GRXCR2: variants seen among roughly 807,000 people sequenced by gnomAD.
GRXCR2 encodes glutaredoxin domain-containing cysteine-rich protein 2.
A neutral mutation model predicts 24.8 loss-of-function variants in GRXCR2; 23 were observed. The observed-to-expected ratio is 0.93, with a 90% CI of 0.67 to 1.32. The LOEUF (loss-of-function observed/expected upper bound fraction) is 1.32, where lower values mean the gene tolerates loss of function less well. Ranked by LOEUF, GRXCR2 falls within the 40% of genes most tolerant of loss-of-function variation. The pLI, the probability that GRXCR2 is intolerant of heterozygous loss-of-function variation, is 0.00. For synonymous variants in GRXCR2, 130 were observed against 116.1 expected, an observed-to-expected ratio of 1.12 and a Z score of -0.77; for missense variants, 315 against 303.4, an observed-to-expected ratio of 1.04 and a Z score of -0.28.
intron 2 of GRXCR2, among the ~76,000 whole-genome samples, chr5:145,909,995 G>C (rs1386482533): frequency 6.6e-6 from 1 of 152,088 alleles, no homozygotes; most frequent in Admixed American, 6.5e-5. Flanking sequence ...AAACTGTAAG[G>C]CTTAACGAGA....
At chr5:145,918,501 A>T (rs1757274557) in intron 2 of GRXCR2, among the ~76,000 whole-genome samples, 2 of 152,206 alleles carry the variant, frequency 1.3e-5, no homozygotes, top group Admixed American at 1.3e-4. Flanking sequence ...GAGAGTTCTC[A>T]CAACCTTCGA....
At chr5:145,893,333 A>C (rs9716060) in intron 2 of GRXCR2, among the ~76,000 whole-genome samples, 14,297 of 152,074 alleles carry the variant, frequency 0.094, 1,650 homozygotes, top group African/African-American at 0.28. Flanking sequence ...AAGACACAGA[A>C]TGGCAAATCG....
At chr5:145,875,304 C>T (rs865922312), upstream of GRXCR2, among the ~76,000 whole-genome samples, 14 of 152,156 alleles carry the variant, frequency 9.2e-5, no homozygotes, top group South Asian at 2.1e-4. Flanking sequence ...AATCCCAGCA[C>T]TTTGGAAGGG....
chr5:145,920,274 C>T (rs1026338631), intron 2 of GRXCR2, among the ~76,000 whole-genome samples: 2 of 152,208 alleles, frequency 1.3e-5, no homozygotes, highest in African/African-American at 2.4e-5. Flanking sequence ...CCTGGATCCA[C>T]ATCAGCATCG....
chr5:145,910,852 G>GTC (rs1383429434), intron 2 of GRXCR2, among the ~76,000 whole-genome samples: 2 of 151,792 alleles, frequency 1.3e-5, no homozygotes, highest in African/African-American at 2.4e-5. Flanking sequence ...GTGTGTGTGT[G>GTC]TGTGTGTACC....
intron 2 of GRXCR2, among the ~76,000 whole-genome samples, chr5:145,928,228 G>A (rs1001027854): frequency 1.5e-4 from 23 of 151,974 alleles, no homozygotes; most frequent in African/African-American, 5.6e-4. Flanking sequence ...AGTTAGAATG[G>A]CAATCATTAA....
At chr5:145,863,166 C>T (rs867896238) in intron 2 of GRXCR2, among the ~76,000 whole-genome samples, 4 of 152,156 alleles carry the variant, frequency 2.6e-5, no homozygotes, top group South Asian at 2.1e-4. Flanking sequence ...TCAGCCTTGC[C>T]CTACTCTTTC....
chr5:145,869,706 C>T (rs371201465), intron 1 of GRXCR2, among the ~76,000 whole-genome samples: 1 of 151,940 alleles, frequency 6.6e-6, no homozygotes, highest in Non-Finnish European at 1.5e-5. Context: ...TACAGGCGCC[C>T]GCCACCACAC....
At chr5:145,920,541 T>A (rs1757307631) in intron 2 of GRXCR2, among the ~76,000 whole-genome samples, 2 of 152,210 alleles carry the variant, frequency 1.3e-5, no homozygotes, top group Admixed American at 6.5e-5. Context: ...AAATGAGTAC[T>A]TATACCAGGA....
At chr5:145,892,656 C>T (rs889158027) in intron 2 of GRXCR2, among the ~76,000 whole-genome samples, 2 of 152,188 alleles carry the variant, frequency 1.3e-5, no homozygotes, top group African/African-American at 4.8e-5. Flanking sequence ...CTACGTCTGA[C>T]TGGTGTACCT....
upstream of GRXCR2, among the ~76,000 whole-genome samples, chr5:145,877,083 G>GA (rs1324856824): frequency 1.3e-5 from 2 of 151,122 alleles, no homozygotes; most frequent in Admixed American, 6.6e-5. Flanking sequence ...TAAAATAAAT[G>GA]AAAAAAATCC....
At chr5:145,916,216 T>A (rs1467836771) in intron 2 of GRXCR2, among the ~76,000 whole-genome samples, 2 of 152,102 alleles carry the variant, frequency 1.3e-5, no homozygotes, top group African/African-American at 4.8e-5. Flanking sequence ...TGACTGTACG[T>A]GTGTCTGTCA....
At position 145,880,328 on chromosome 5, in the gene GRXCR2, A is replaced by G. The variant is rs572025656; in HGVS notation, c.-69-13600T>C. 4.7e-4 allele frequency among the ~76,000 whole-genome samples: 71 copies of G among 152,278 alleles called. No homozygotes were observed. The South Asian group carries it at 1.0e-2, about 21-fold the overall frequency. On this transcript the variant is annotated intron_variant, in intron 2 of 3. Coordinates refer to the GRXCR2 transcript ENST00000639411. ...ACTAATAAAGAAGAAAAGAGAGAAGAATCAAATAGATGCAATAAAAAATGA... is the reference window on the plus strand; with the variant it reads ...ACTAATAAAGAAGAAAAGAGAGAAGGATCAAATAGATGCAATAAAAAATGA...
chr5:145,917,452 AAC>A (rs1264032075), intron 2 of GRXCR2, among the ~76,000 whole-genome samples: 1 of 152,098 alleles, frequency 6.6e-6, no homozygotes, highest in East Asian at 1.9e-4. Flanking sequence ...AAAAAAAGAA[AAC>A]ACACCCTCCC....
intron 2 of GRXCR2, among the ~76,000 whole-genome samples, chr5:145,899,233 A>C (rs573163172): frequency 6.6e-6 from 1 of 152,156 alleles, no homozygotes; most frequent in Non-Finnish European, 1.5e-5. Context: ...AAAGAACTAA[A>C]AACACTGCCA....
intron 2 of GRXCR2, 100 bp from the exon 3 acceptor site, chr5:145,860,015 A>G: frequency 2.2e-6 from 2 of 907,102 alleles, no homozygotes; most frequent in South Asian, 2.0e-5. Flanking sequence ...GCTGGGGCAG[A>G]ATAGAGGAAA....
chr5:145,875,183 T>C (rs1756593838), upstream of GRXCR2, among the ~76,000 whole-genome samples: 1 of 152,224 alleles, frequency 6.6e-6, no homozygotes, highest in South Asian at 2.1e-4. Flanking sequence ...AATTGTTAAA[T>C]GAATGACTTC....
At chr5:145,920,810 G>A (rs1757311030) in intron 2 of GRXCR2, among the ~76,000 whole-genome samples, 1 of 152,246 alleles carries the variant, frequency 6.6e-6, no homozygotes, top group African/African-American at 2.4e-5. Context: ...GATGTTATTA[G>A]GAGGCAGGGC....
intron 2 of GRXCR2, among the ~76,000 whole-genome samples, chr5:145,898,565 T>C (rs994548990): frequency 2.6e-5 from 4 of 152,052 alleles, no homozygotes; most frequent in Non-Finnish European, 4.4e-5. Context: ...TTCATCAACA[T>C]GTTAAAAAGT....
Sources: allele counts gnomAD v4.1 joint callset (sites outside exome capture counted in the v4.1 genomes callset), GRCh38; gene constraint gnomAD v4.1.1; transcripts MANE v1.5; gene names NCBI Gene and HGNC (gene_info 2026-07-23, HGNC 2026-07-21).